Variants in NECTIN2 observed in about 807,000 individuals in gnomAD.
NECTIN2 encodes nectin-2.
NECTIN2 carries 23 observed loss-of-function variants against 56.9 expected under a neutral mutation model. The ratio of observed to expected loss-of-function variants is 0.40; its 90% CI spans 0.29 to 0.57. NECTIN2 has a LOEUF of 0.57. Ranked by LOEUF, NECTIN2 falls within the 20% of genes least tolerant of loss-of-function variation. The pLI is 0.38. For synonymous variants in NECTIN2, 302 were observed against 313.8 expected (o/e 0.96, Z 0.40); for missense variants, 587 against 718.3 (o/e 0.82, Z 2.09).
intron 5 of NECTIN2, chr19:44,878,433 G>A: frequency 6.3e-7 from 1 of 1,586,814 alleles, no homozygotes; most frequent in Non-Finnish European, 8.6e-7. Flanking sequence ...TTGGGAAATG[G>A]GGACCCCGTC....
At position 44,874,115 on chromosome 19, in the gene NECTIN2, CT is replaced by C; in HGVS notation, c.893+83del. The C allele has an allele frequency of 1.1e-5, 14 of 1,274,082 alleles. No individual in the cohort carries two copies. The highest frequency in any genetic ancestry group is 1.5e-5 in the Non-Finnish European group (14 of 909,526). 78.9% of individuals were successfully genotyped at this position (1,274,082 alleles called of 1,614,324 possible). On this transcript the variant is annotated intron_variant, in intron 4 of 8. Coordinates refer to ENST00000252483, the MANE Select transcript of NECTIN2 (RefSeq NM_001042724.2). The surrounding 1 kb of genome is among the most constrained non-coding windows in gnomAD (Gnocchi z 6.3). ...ACTCCTGGATCTAAGGGAGGAGGGGCTGGGGGCCTGGACTCCTGGATCTGAG... is the reference window on the plus strand; with the variant it reads ...ACTCCTGGATCTAAGGGAGGAGGGGCGGGGGCCTGGACTCCTGGATCTGAG...
In NECTIN2 at chr19:44,875,849, C is replaced by A. The variant is rs940819937; in HGVS notation, c.1042+1371C>A. On this transcript the variant is annotated intron_variant, in intron 5 of 8. Coordinates refer to ENST00000252483, the MANE Select transcript of NECTIN2 (RefSeq NM_001042724.2). The surrounding 1 kb of genome is among the most constrained non-coding windows in gnomAD (Gnocchi z 4.2). ...CAGCCAGGGAGATAGGACACCCCTA[C>A]GGGAAACACTGTCACAGACAGCAAA... Among the ~76,000 whole-genome samples the A allele has an allele frequency of 6.6e-6, 1 of 152,216 alleles. No homozygotes were observed. The highest frequency in any genetic ancestry group is 1.5e-5 in the Non-Finnish European group (1 of 68,040).
chr19:44,881,523 CA>C (rs35949038), intron 5 of NECTIN2, among the ~76,000 whole-genome samples: 24,462 of 81,536 alleles, frequency 0.3, 1,973 homozygotes, highest in Non-Finnish European at 0.34. Flanking sequence ...CAAAAAAATT[CA>C]AAAAAAAAAA....
chr19:44,878,481 A>G, intron 5 of NECTIN2: 1 of 1,613,106 alleles, frequency 6.2e-7, no homozygotes, highest in Non-Finnish European at 8.5e-7. Context: ...ATGGAACCAG[A>G]TGGCAAGGAT....
At chr19:44,847,383 T>A (rs1459160790) in intron 1 of NECTIN2, among the ~76,000 whole-genome samples, 1 of 151,856 alleles carries the variant, frequency 6.6e-6, no homozygotes, top group Non-Finnish European at 1.5e-5. Flanking sequence ...CTTCTGGATT[T>A]AATTGTGGGC....
At chr19:44,885,025 T>C (rs1392815349) in intron 6 of NECTIN2, among the ~76,000 whole-genome samples, 1 of 152,112 alleles carries the variant, frequency 6.6e-6, no homozygotes, top group Non-Finnish European at 1.5e-5. Context: ...AGGTGGAGTT[T>C]CGCTCTTTTT....
At chr19:44,853,812 T>C (rs1968931194) in intron 1 of NECTIN2, among the ~76,000 whole-genome samples, 1 of 152,192 alleles carries the variant, frequency 6.6e-6, no homozygotes, top group African/African-American at 2.4e-5. Context: ...TCATTCGTTA[T>C]TCAGCAAGTA....
intron 6 of NECTIN2, among the ~76,000 whole-genome samples, chr19:44,885,307 CT>C (rs34485333): frequency 0.014 from 1,633 of 112,908 alleles, 22 homozygotes; most frequent in African/African-American, 0.02. Context: ...ATCTTTCTTT[CT>C]TTTTTTTTTT....
Position 44,875,155 on chromosome 19 carries a change from G to GA in NECTIN2, c.1042+678dup, listed in dbSNP as rs1029233960. 5.3e-5 allele frequency among the ~76,000 whole-genome samples: 8 copies of GA among 152,246 alleles called. No individual in the cohort carries two copies. The highest frequency in any genetic ancestry group is 1.7e-4 in the African/African-American group (7 of 41,546). ...GCATCAGAATCCAGACACTCACCTG[G>GA]ATGGTAACCCTGCACGCTCAAACCC... is the stretch of plus-strand genomic sequence containing the variant. On this transcript the variant is annotated intron_variant, in intron 5 of 8. Transcript: ENST00000252483. The surrounding 1 kb of genome is among the most constrained non-coding windows in gnomAD (Gnocchi z 4.2).
chr19:44,878,047 C>CT (rs1455027579), intron 5 of NECTIN2, among the ~76,000 whole-genome samples: 48 of 150,320 alleles, frequency 3.2e-4, no homozygotes, highest in African/African-American at 1.1e-3. Flanking sequence ...TTCCCCACCC[C>CT]CCTCCTCCTC....
At position 44,882,245 on chromosome 19, in the gene NECTIN2, C is replaced by T. The variant is rs370776671; in HGVS notation, c.1077C>T (p.Gly359=). The change falls in exon 6 of 9, where the codon GGC becomes GGT. Residue 359 remains glycine, a synonymous_variant. Coordinates refer to ENST00000252483, the MANE Select transcript of NECTIN2 (RefSeq NM_001042724.2). ...ACACAGCAGGCGCAGGGGCCACAGG[C>T]GGCATCATCGGGGGCATCATCGCCG... ...TPNTAGAGAT[G]GIIGGIIAAI... The T allele has an allele frequency of 6.0e-5, 92 of 1,538,674 alleles. No individual in the cohort carries two copies. In the South Asian group the frequency reaches 6.1e-4, roughly 10 times the overall value.
In NECTIN2 at chr19:44,888,319, C is replaced by T. The variant is rs891938503; in HGVS notation, c.1557C>T (p.Ser519=). The T allele has an allele frequency of 2.5e-6, 4 of 1,613,832 alleles. No individual in the cohort carries two copies. Among genetic ancestry groups the T allele is most frequent in the Non-Finnish European group, 3.4e-6 (4 of 1,179,874 alleles). Residue 519 remains serine, a synonymous_variant, in exon 9 of 9, where the codon AGC becomes AGT. Transcript: ENST00000252483. ...CCATCTATGATGCTCTGTCCTATAG[C>T]AGCCCCTCTGATTCCTACCAGGGCA... ...INPIYDALSY[S]SPSDSYQGKG... is the part of the protein sequence containing the mutation.
intron 6 of NECTIN2, among the ~76,000 whole-genome samples, chr19:44,885,066 G>A (rs1394894293): frequency 1.3e-5 from 2 of 150,466 alleles, no homozygotes; most frequent in African/African-American, 2.4e-5. Context: ...GCGCGATCTC[G>A]GCTCACCACA....
In NECTIN2 at chr19:44,872,101, G is replaced by A; in HGVS notation, c.727G>A (p.Glu243Lys). Residue 243 changes from glutamate to lysine, a missense_variant, in exon 3 of 9, where the codon GAG becomes AAG. Transcript: ENST00000252483. Reference protein sequence around the residue: ...GVTVTCKVEHESFEEPALIPV... With the variant: ...GVTVTCKVEHKSFEEPALIPV... The stretch of plus-strand genomic sequence containing the variant: ...CACGGTCACCTGCAAAGTGGAGCAT[G>A]AGAGCTTCGAGGAACCAGCCCTGAT... 6.2e-7 allele frequency: 1 copy of A among 1,614,212 alleles called. No homozygotes were observed. The highest frequency in any genetic ancestry group is 8.5e-7 in the Non-Finnish European group (1 of 1,180,044).
chr19:44,878,852 C>A (rs1969275578), intron 5 of NECTIN2: 4 of 1,306,424 alleles, frequency 3.1e-6, no homozygotes, highest in South Asian at 5.1e-5. Flanking sequence ...CCAGAGAGGA[C>A]CCCCGCCCCC....
At chr19:44,872,451 G>T (rs928451227) in intron 3 of NECTIN2, among the ~76,000 whole-genome samples, 1 of 152,012 alleles carries the variant, frequency 6.6e-6, no homozygotes, top group Non-Finnish European at 1.5e-5. Flanking sequence ...AAGTCTTCTC[G>T]GTAGCTTGAA....
At chr19:44,855,967 C>T (rs1419225668) in intron 1 of NECTIN2, among the ~76,000 whole-genome samples, 1 of 152,132 alleles carries the variant, frequency 6.6e-6, no homozygotes, top group African/African-American at 2.4e-5. Context: ...TTTCCTGATC[C>T]CTCCCTCTCT....
At position 44,874,302 on chromosome 19, in the gene NECTIN2, C is replaced by T; in HGVS notation, c.894-28C>T. 1 of 1,610,754 alleles carries T rather than the reference C, an allele frequency of 6.2e-7. No individual in the cohort carries two copies. Among genetic ancestry groups the T allele is most frequent in the Non-Finnish European group, 8.5e-7 (1 of 1,177,014 alleles). On this transcript the variant is annotated intron_variant, in intron 4 of 8. Transcript: ENST00000252483. This position sits in a 1 kb window ranked among gnomAD's most constrained non-coding sequence, Gnocchi z 6.3. ...GTGCTCCCCTCTCGACCTTGGTATC[C>T]CTCTCACCTGACCCCACACCCCTCC...
chr19:44,884,979 T>TTTTCG (rs1969343972), intron 6 of NECTIN2, among the ~76,000 whole-genome samples: 1 of 151,872 alleles, frequency 6.6e-6, no homozygotes. Flanking sequence ...TCTTTCTTTT[T>TTTTCG]TTTCTTTTCT....
Sources: gnomAD v4.1 joint callset for allele counts (sites outside exome capture counted in the v4.1 genomes callset) on GRCh38, gnomAD v4.1.1 for gene constraint, Gnocchi (gnomAD v3.1) non-coding constraint, MANE v1.5 for transcripts, NCBI Gene and HGNC (gene_info 2026-07-23, HGNC 2026-07-21) for gene names.